The following C6orf89 variants were observed in gnomAD, a reference collection of about 807,000 sequenced individuals.
C6orf89 encodes chromosome 6 open reading frame 89.
C6orf89 carries 29 observed loss-of-function variants against 40.7 expected under a neutral mutation model. That is an observed-to-expected ratio of 0.71 (90% CI 0.53 to 0.97). C6orf89 has a LOEUF of 0.97. Among genes scored for constraint, C6orf89 ranks in the 50% least tolerant of loss-of-function variants. The probability of loss-of-function intolerance (pLI) is 0.00; values close to 1 mark genes in which losing one functional copy is unlikely to be tolerated. For missense variants in C6orf89, 392 were observed against 429.1 expected, an observed-to-expected ratio of 0.91 and a Z score of 0.76; for synonymous variants, 165 against 152.2, an observed-to-expected ratio of 1.08 and a Z score of -0.62.
At chr6:36,919,147 G>A (rs1762424079) in intron 7 of C6orf89, among the ~76,000 whole-genome samples, 1 of 152,196 alleles carries the variant, frequency 6.6e-6, no homozygotes, top group African/African-American at 2.4e-5. Flanking sequence ...ATCTCAGAAT[G>A]TTGTATACTT....
At chr6:36,917,748 C>T (rs781422801) in intron 7 of C6orf89, among the ~76,000 whole-genome samples, 34 of 152,140 alleles carry the variant, frequency 2.2e-4, no homozygotes, top group Non-Finnish European at 4.6e-4. Flanking sequence ...CTGCTGTCGC[C>T]GGCTGGAATT....
rs185154976 is a variant in C6orf89 at position 36,907,046 on chromosome 6, C to T, written c.403+4612C>T. Among the ~76,000 whole-genome samples, 9 of 152,158 alleles carry T rather than the reference C, an allele frequency of 5.9e-5. No individual in the cohort carries two copies. The East Asian group carries it at 1.4e-3, about 23-fold the overall frequency. Reference sequence around the variant, plus strand: ...CCTTCCTGCCTGCCTTCCTGCCTTCCTCCCTCCTTCTTTTCCTCCTTCCAT... The same window carrying T: ...CCTTCCTGCCTGCCTTCCTGCCTTCTTCCCTCCTTCTTTTCCTCCTTCCAT... On this transcript the variant is annotated intron_variant, in intron 4 of 8. Transcript: ENST00000480824.
At position 36,914,461 on chromosome 6, in the gene C6orf89, T is replaced by C. The variant is rs542266206; in HGVS notation, c.555+26T>C. ...GTGAGCAGAAGCCTGAGTCTCCCGC[T>C]GATTGGCTGCTTGCTTAAAGGCTAG... On this transcript the variant is annotated intron_variant, in intron 5 of 8. Coordinates refer to ENST00000480824, the MANE Select transcript of C6orf89 (RefSeq NM_001286635.2). 5.6e-6 allele frequency: 9 copies of C among 1,613,594 alleles called. No homozygotes were observed. The South Asian group carries it at 7.7e-5, about 14-fold the overall frequency.
intron 1 of C6orf89, among the ~76,000 whole-genome samples, chr6:36,893,142 G>T (rs1761284211): frequency 6.7e-6 from 1 of 149,920 alleles, no homozygotes; most frequent in South Asian, 2.1e-4. Flanking sequence ...CACTGTGTTA[G>T]CCAGGATGGT....
At chr6:36,873,108 G>A (rs1774553168) in intron 1 of C6orf89, among the ~76,000 whole-genome samples, 1 of 152,212 alleles carries the variant, frequency 6.6e-6, no homozygotes, top group Non-Finnish European at 1.5e-5. Context: ...TTTCCCTCAT[G>A]AAGCTTACAT....
At chr6:36,909,644 T>G (rs565920750) in intron 4 of C6orf89, among the ~76,000 whole-genome samples, 1 of 152,200 alleles carries the variant, frequency 6.6e-6, no homozygotes, top group Non-Finnish European at 1.5e-5. Context: ...TAGCCATATA[T>G]GGTGGTGCAC....
At chr6:36,880,960 T>G (rs188305395), upstream of C6orf89, among the ~76,000 whole-genome samples, 5 of 152,318 alleles carry the variant, frequency 3.3e-5, no homozygotes, top group Non-Finnish European at 7.3e-5. Context: ...CAATTTAAGG[T>G]GATTAGGCCT....
At chr6:36,901,318 ATTATTTTTTTTT>A (rs1761687085) in intron 3 of C6orf89, among the ~76,000 whole-genome samples, 1 of 65,134 alleles carries the variant, frequency 1.5e-5, no homozygotes, top group African/African-American at 6.5e-5. Context: ...TATTATTATT[ATTATTTTTTTTT>A]TTTTTTTTTT....
chr6:36,916,557 C>T lies in C6orf89; in HGVS notation c.808C>T (p.Pro270Ser). 1 of 1,614,188 alleles carries T rather than the reference C, an allele frequency of 6.2e-7. No individual in the cohort carries two copies. Among genetic ancestry groups the T allele is most frequent in the Non-Finnish European group, 8.5e-7 (1 of 1,180,036 alleles). The change falls in exon 7 of 9, where the codon CCT becomes TCT. Residue 270 changes from proline to serine, a missense_variant. By Grantham distance (74) the Pro-to-Ser change is moderately conservative. Transcript: ENST00000480824. ...CAAGTGCTCCTTTCTTCACCCAGAA[C>T]CTGTTGTGGGGAGTAAGGTAGGAAA... ...LNKCSFLHPE[P>S]VVGSKMHKMP... is the part of the protein sequence containing the mutation.
At chr6:36,901,334 T>TA (rs1227804984) in intron 3 of C6orf89, among the ~76,000 whole-genome samples, 23 of 55,702 alleles carry the variant, frequency 4.1e-4, no homozygotes, top group African/African-American at 8.9e-4. Context: ...TTTTTTTTTT[T>TA]TTTTTTTTTT....
intron 4 of C6orf89, among the ~76,000 whole-genome samples, chr6:36,902,734 G>C (rs1253736608): frequency 6.6e-6 from 1 of 152,154 alleles, no homozygotes; most frequent in African/African-American, 2.4e-5. Flanking sequence ...AAAAGGATTT[G>C]ATTGTATCTC....
chr6:36,923,561 T>C lies in C6orf89; in HGVS notation c.*120T>C. On this transcript the variant is annotated 3_prime_UTR_variant, in exon 9 of 9. Transcript: ENST00000480824. ...GTTGGTTACTTAGTTACCTGCCCTT[T>C]GCATGCATGTGTGAACCAGCTGTGA... 5.3e-6 allele frequency: 4 copies of C among 760,616 alleles called. No homozygotes were observed. The highest frequency in any genetic ancestry group is 9.3e-6 in the Non-Finnish European group (4 of 429,002). The allele number at this position is 760,616 out of a possible 1,614,324, so 47.1% of individuals were successfully genotyped here. A position where few individuals can be genotyped will look rare whatever the true frequency, so the allele number is the denominator to read the frequency against.
upstream of C6orf89, chr6:36,883,143 G>A (rs1583139288): frequency 6.6e-6 from 1 of 152,116 alleles, no homozygotes; most frequent in Non-Finnish European, 1.5e-5. Flanking sequence ...ACCAGACAAA[G>A]AAAACTTTTT....
In C6orf89 at chr6:36,927,009, A is replaced by G. The variant is rs1229626971; in HGVS notation, c.*3568A>G. 1 of 152,214 alleles carries G rather than the reference A, an allele frequency of 6.6e-6. No individual in the cohort carries two copies. Among genetic ancestry groups the G allele is most frequent in the Non-Finnish European group, 1.5e-5 (1 of 68,030 alleles). The allele number at this position is 152,214 out of a possible 1,614,324, so 9.4% of individuals were successfully genotyped here. ...AAGTGGAGGAGGAAAGAATCTAACC[A>G]TATGACTTTTATAAAAATCCTTTCA... On this transcript the variant is annotated 3_prime_UTR_variant, in exon 9 of 9. Transcript: ENST00000480824.
At chr6:36,874,742 G>A in intron 1 of C6orf89, 1 of 1,614,168 alleles carries the variant, frequency 6.2e-7, no homozygotes, top group Non-Finnish European at 8.5e-7. Context: ...ACGTTGGGTG[G>A]CTGCCAGGAA....
chr6:36,917,990 C>T (rs1762386067), intron 7 of C6orf89, among the ~76,000 whole-genome samples: 1 of 152,208 alleles, frequency 6.6e-6, no homozygotes, highest in Non-Finnish European at 1.5e-5. Context: ...CTCTTGAGAA[C>T]CCAGTTTCTT....
intron 2 of C6orf89, among the ~76,000 whole-genome samples, chr6:36,897,142 A>G (rs1451722325): frequency 1.3e-5 from 2 of 151,680 alleles, no homozygotes; most frequent in Non-Finnish European, 2.9e-5. Context: ...AAAAAAAAAA[A>G]AAAAAAAAAG....
At chr6:36,900,999 A>G (rs967859865) in intron 3 of C6orf89, among the ~76,000 whole-genome samples, 5 of 151,816 alleles carry the variant, frequency 3.3e-5, no homozygotes, top group African/African-American at 4.8e-5. Flanking sequence ...GGCATGCGCA[A>G]CCATGCCCGG....
chr6:36,879,444 G>A (rs1272814931), intron 2 of C6orf89, among the ~76,000 whole-genome samples: 1 of 152,168 alleles, frequency 6.6e-6, no homozygotes, highest in Non-Finnish European at 1.5e-5. Flanking sequence ...GCCGCTGAGG[G>A]AAAGGGAACC....
Sources: gnomAD v4.1 joint callset for allele counts (sites outside exome capture counted in the v4.1 genomes callset) on GRCh38, gnomAD v4.1.1 for gene constraint, MANE v1.5 for transcripts, NCBI Gene and HGNC (gene_info 2026-07-23, HGNC 2026-07-21) for gene names.